Variants in CELF2 observed in about 807,000 individuals in gnomAD.
The protein encoded by CELF2 is CUG triplet repeat RNA-binding protein 2.
Under a neutral mutation model 62.6 loss-of-function variants are expected in CELF2, and 8 were observed. That is an observed-to-expected ratio of 0.13 (90% CI 0.07 to 0.23). The LOEUF is 0.23. Ranked by LOEUF, CELF2 falls within the 10% of genes least tolerant of loss-of-function variation. The probability of loss-of-function intolerance (pLI) is 1.00; values close to 1 mark genes in which losing one functional copy is unlikely to be tolerated. For missense variants in CELF2, 333 were observed against 671.0 expected (o/e 0.50, Z 5.56); for synonymous variants, 258 against 250.0 (o/e 1.03, Z -0.30).
chr10:11,197,052 A>AAGAAAGAAAGAAG lies in CELF2; in HGVS notation c.272-20373_272-20372insAGAAAGAAAGAAG, dbSNP rs2058018344. On this transcript the variant is annotated intron_variant, in intron 2 of 12. Coordinates refer to ENST00000633077, the MANE Select transcript of CELF2 (RefSeq NM_001326342.2). Reference sequence around the variant, plus strand: ...AAGAAAGAAAGAAAGAAAGAAAGAAAGAAAGAAAAGAAAGAAAGGAAAGAA... The same window carrying AAGAAAGAAAGAAG: ...AAGAAAGAAAGAAAGAAAGAAAGAAAAGAAAGAAAGAAGGAAAGAAAAGAAAGAAAGGAAAGAA... Among the ~76,000 whole-genome samples, 28 of 31,688 alleles carry AAGAAAGAAAGAAG rather than the reference A, an allele frequency of 8.8e-4. 4 individuals carry two copies. Among genetic ancestry groups the AAGAAAGAAAGAAG allele is most frequent in the Admixed American group, 2.1e-3 (8 of 3,758 alleles). 20.8% of individuals were successfully genotyped at this position (31,688 alleles called of 152,430 possible).
intron 2 of CELF2, among the ~76,000 whole-genome samples, chr10:10,926,173 T>C (rs1282036557): frequency 1.3e-5 from 2 of 152,188 alleles, no homozygotes; most frequent in Non-Finnish European, 2.9e-5. Context: ...GGTCTGAATG[T>C]GTCCCCCACA....
chr10:11,288,077 C>G (rs1411160289), intron 8 of CELF2, among the ~76,000 whole-genome samples: 1 of 152,278 alleles, frequency 6.6e-6, no homozygotes, highest in Non-Finnish European at 1.5e-5. Flanking sequence ...AATCTCTCCT[C>G]TTTTCCACTT....
At chr10:10,989,597 A>G (rs2053202981) in intron 2 of CELF2, among the ~76,000 whole-genome samples, 3 of 152,244 alleles carry the variant, frequency 2.0e-5, no homozygotes, top group Middle Eastern at 3.4e-3. Context: ...AAAAAACACA[A>G]AGGTAAAAAT....
chr10:11,167,216 G>A (rs2067481066), intron 2 of CELF2, among the ~76,000 whole-genome samples: 1 of 152,224 alleles, frequency 6.6e-6, no homozygotes, highest in Non-Finnish European at 1.5e-5. Context: ...ACTAGAGTTT[G>A]TTTTAATACT....
At chr10:11,037,634 AC>A (rs998728838) in intron 1 of CELF2, among the ~76,000 whole-genome samples, 9 of 152,026 alleles carry the variant, frequency 5.9e-5, no homozygotes, top group African/African-American at 2.2e-4. Context: ...AGTGTAACAA[AC>A]CCCACTAAGG....
intron 1 of CELF2, among the ~76,000 whole-genome samples, chr10:11,026,998 G>A (rs1402634648): frequency 6.6e-6 from 1 of 152,152 alleles, no homozygotes; most frequent in African/African-American, 2.4e-5. Flanking sequence ...GCTATATTTG[G>A]CTATGCTGCA....
At position 10,983,149 on chromosome 10, in the gene CELF2, A is replaced by G. The variant is rs1351005069; in HGVS notation, c.89+63150A>G. 6.6e-5 allele frequency among the ~76,000 whole-genome samples: 10 copies of G among 151,270 alleles called. No individual in the cohort carries two copies. The highest frequency in any genetic ancestry group is 5.3e-4 in the Admixed American group (8 of 15,224). ...CTCTTTTTTCATTATTTTTTTTTCAATTTTTCAGAAGGCAAGTTCAGACAC... is the reference window on the plus strand; with the variant it reads ...CTCTTTTTTCATTATTTTTTTTTCAGTTTTTCAGAAGGCAAGTTCAGACAC... On this transcript the variant is annotated intron_variant, in intron 2 of 13. Transcript: ENST00000636488. This position sits in a 1 kb window ranked among gnomAD's most constrained non-coding sequence, Gnocchi z 5.2.
chr10:11,015,608 C>T (rs978526568), upstream of CELF2, among the ~76,000 whole-genome samples: 11 of 152,282 alleles, frequency 7.2e-5, no homozygotes, highest in South Asian at 8.3e-4. The surrounding 1 kb of genome is among the most constrained non-coding windows in gnomAD (Gnocchi z 4.8). Context: ...TTGCTTATAT[C>T]TTTAAACTGC....
At chr10:10,991,659 T>A (rs2053455863) in intron 2 of CELF2, among the ~76,000 whole-genome samples, 1 of 152,212 alleles carries the variant, frequency 6.6e-6, no homozygotes, top group Non-Finnish European at 1.5e-5. Context: ...GCTTTTCATC[T>A]TTCATCAATT....
intron 1 of CELF2, among the ~76,000 whole-genome samples, chr10:11,101,397 G>C (rs1183918969): frequency 6.6e-6 from 1 of 152,212 alleles, no homozygotes. Flanking sequence ...GGGTGTGAAT[G>C]AGATTGCTTA....
At chr10:11,299,233 G>A (rs1311855935) in intron 9 of CELF2, among the ~76,000 whole-genome samples, 2 of 152,252 alleles carry the variant, frequency 1.3e-5, no homozygotes, top group Non-Finnish European at 1.5e-5. Context: ...TTGTTGGTTT[G>A]TATCTCGGGC....
At chr10:10,542,283 A>G in the CELF2 span, among the ~76,000 whole-genome samples, 11 of 152,314 alleles carry the variant, frequency 7.2e-5, no homozygotes, top group African/African-American at 2.6e-4. Context: ...CAAAGGCCAC[A>G]CAAACATTGA....
In CELF2 at chr10:11,190,775, TAAAAAAAAAAAAAAA is replaced by T. The variant is rs11301213; in HGVS notation, c.271+25107_271+25121del. On this transcript the variant is annotated intron_variant, in intron 2 of 12. Coordinates refer to ENST00000633077, the MANE Select transcript of CELF2 (RefSeq NM_001326342.2). ...GGCTGGGTTTTGTATCTCTTTTCTTTAAAAAAAAAAAAAAAAAAAAAAAAAAAAGCCATTGAAATG... is the reference window on the plus strand; with the variant it reads ...GGCTGGGTTTTGTATCTCTTTTCTTTAAAAAAAAAAAAAGCCATTGAAATG... Among the ~76,000 whole-genome samples, 26 of 53,986 alleles carry T rather than the reference TAAAAAAAAAAAAAAA, an allele frequency of 4.8e-4. No homozygotes were observed. In the South Asian group the frequency reaches 0.016, roughly 33 times the overall value. The allele number at this position is 53,986 out of a possible 152,430, so 35.4% of individuals were successfully genotyped here. A position where few individuals can be genotyped will look rare whatever the true frequency, so the allele number is the denominator to read the frequency against.
chr10:10,859,955 T>A (rs2133087808), intron 1 of CELF2, among the ~76,000 whole-genome samples: 1 of 152,190 alleles, frequency 6.6e-6, no homozygotes, highest in East Asian at 1.9e-4. Context: ...GAGTGTTTGT[T>A]TGTATGTTTT....
chr10:11,287,428 G>A (rs957590799), intron 8 of CELF2, among the ~76,000 whole-genome samples: 1 of 152,126 alleles, frequency 6.6e-6, no homozygotes, highest in African/African-American at 2.4e-5. Flanking sequence ...TAGACACCAG[G>A]GCTGAGCCCA....
At chr10:10,607,724 A>G in the CELF2 span, among the ~76,000 whole-genome samples, 1 of 152,352 alleles carries the variant, frequency 6.6e-6, no homozygotes, top group South Asian at 2.1e-4. Flanking sequence ...TTTGCCCAAG[A>G]TCACTAAAAA....
At chr10:11,303,360 CTAA>C (rs1223069571) in intron 9 of CELF2, among the ~76,000 whole-genome samples, 9 of 152,174 alleles carry the variant, frequency 5.9e-5, no homozygotes, top group African/African-American at 2.2e-4. Flanking sequence ...AATGACTGGA[CTAA>C]TGAGAAAGGC....
At chr10:11,054,674 C>T (rs570020040) in intron 1 of CELF2, among the ~76,000 whole-genome samples, 19 of 152,198 alleles carry the variant, frequency 1.2e-4, no homozygotes, top group Admixed American at 2.6e-4. Flanking sequence ...ATGAAAGTCA[C>T]GACAGGAGAG....
At chr10:11,320,004 C>T in intron 10 of CELF2, 1 of 369,568 alleles carries the variant, frequency 2.7e-6, no homozygotes, top group Middle Eastern at 6.5e-4. Context: ...AGTTAGCCAT[C>T]CTTGCTGTTT....
Sources: allele counts gnomAD v4.1 joint callset (sites outside exome capture counted in the v4.1 genomes callset), GRCh38; gene constraint gnomAD v4.1.1; non-coding constraint Gnocchi (gnomAD v3.1); transcripts MANE v1.5; gene names NCBI Gene and HGNC (gene_info 2026-07-23, HGNC 2026-07-21).